The following CNTN4 variants were observed in gnomAD, a reference collection of about 807,000 sequenced individuals.
CNTN4 encodes the protein contactin-4.
A neutral mutation model predicts 122.5 loss-of-function variants in CNTN4; 77 were observed. The observed-to-expected ratio is 0.63, with a 90% CI of 0.52 to 0.76. The LOEUF (loss-of-function observed/expected upper bound fraction) is 0.76, where lower values mean the gene tolerates loss of function less well. Ranked by LOEUF, CNTN4 falls within the 30% of genes least tolerant of loss-of-function variation. The probability of loss-of-function intolerance (pLI) is 0.00; values close to 1 mark genes in which losing one functional copy is unlikely to be tolerated. For synonymous variants in CNTN4, 512 were observed against 447.0 expected (o/e 1.15, Z -1.83); for missense variants, 1,256 against 1,259.1 (o/e 1.00, Z 0.04).
intron 2 of CNTN4, among the ~76,000 whole-genome samples, chr3:2,112,660 G>C (rs2033053895): frequency 1.3e-5 from 2 of 152,098 alleles, no homozygotes; most frequent in Non-Finnish European, 2.9e-5. Flanking sequence ...GTTTTGTTTA[G>C]AGCTTATCAT....
chr3:2,986,943 T>C (rs1200895552), intron 13 of CNTN4, among the ~76,000 whole-genome samples: 1 of 152,144 alleles, frequency 6.6e-6, no homozygotes, highest in Non-Finnish European at 1.5e-5. Flanking sequence ...CAAATAAAAT[T>C]TCCTGATTGA....
At chr3:2,230,779 G>C (rs190602571) in intron 2 of CNTN4, among the ~76,000 whole-genome samples, 1 of 152,040 alleles carries the variant, frequency 6.6e-6, no homozygotes, top group East Asian at 1.9e-4. Context: ...GAGCCCAGGA[G>C]TTCGAGACCA....
intron 3 of CNTN4, among the ~76,000 whole-genome samples, chr3:2,524,554 G>T (rs914352076): frequency 6.6e-6 from 1 of 152,080 alleles, no homozygotes; most frequent in Non-Finnish European, 1.5e-5. Flanking sequence ...AAATACAGTG[G>T]ATGTAACTAA....
intron 7 of CNTN4, among the ~76,000 whole-genome samples, chr3:2,822,144 C>A (rs2092889686): frequency 2.0e-5 from 3 of 152,164 alleles, no homozygotes; most frequent in African/African-American, 7.2e-5. Flanking sequence ...GGTTTGATTT[C>A]AGAGGTCTGT....
At chr3:2,794,345 A>G (rs1001095414) in intron 6 of CNTN4, among the ~76,000 whole-genome samples, 10 of 152,222 alleles carry the variant, frequency 6.6e-5, no homozygotes, top group African/African-American at 2.4e-4. Flanking sequence ...AACAGTTCAC[A>G]TCTTAGTTTT....
At chr3:2,786,321 A>G (rs55798397) in intron 6 of CNTN4, among the ~76,000 whole-genome samples, 28,166 of 152,112 alleles carry the variant, frequency 0.19, 2,797 homozygotes, top group East Asian at 0.38. Flanking sequence ...AAAAGAGCAC[A>G]CTGTAACACA....
chr3:2,832,018 C>T (rs1054423415), intron 7 of CNTN4, among the ~76,000 whole-genome samples: 2 of 152,178 alleles, frequency 1.3e-5, no homozygotes, highest in African/African-American at 4.8e-5. Context: ...GTAGCTATGA[C>T]AGCTCTCTAA....
rs1255317668 is a variant in CNTN4 at position 3,044,978 on chromosome 3, TGGCTCAGAGGGTCCCATGCCC to T, written c.2811+1296_2811+1316del. ...ACACCAGGAGATTATATCCCATGCA[TGGCTCAGAGGGTCCCATGCCC>T]GGCTCAGAGGGTCCCATGCCCACAG... On this transcript the variant is annotated intron_variant, in intron 23 of 24. Coordinates refer to ENST00000418658, the MANE Select transcript of CNTN4 (RefSeq NM_175607.3). Among the ~76,000 whole-genome samples, 6 of 152,294 alleles carry T rather than the reference TGGCTCAGAGGGTCCCATGCCC, an allele frequency of 3.9e-5. 1 individual carries two copies. The highest frequency in any genetic ancestry group is 6.8e-3 in the Middle Eastern group (2 of 294).
intron 2 of CNTN4, among the ~76,000 whole-genome samples, chr3:2,202,894 G>A (rs2038165431): frequency 6.6e-6 from 1 of 151,834 alleles, no homozygotes; most frequent in Non-Finnish European, 1.5e-5. Context: ...CGTCATCTCA[G>A]CTCACTGCAA....
At chr3:2,185,479 C>G (rs1210081071) in intron 2 of CNTN4, among the ~76,000 whole-genome samples, 10 of 151,886 alleles carry the variant, frequency 6.6e-5, no homozygotes, top group Admixed American at 3.9e-4. Context: ...GATTCGAGCT[C>G]TTGCTACCCC....
chr3:2,636,544 G>A (rs1228741800), intron 4 of CNTN4, among the ~76,000 whole-genome samples: 1 of 152,086 alleles, frequency 6.6e-6, no homozygotes, highest in Non-Finnish European at 1.5e-5. Flanking sequence ...ATAAATAAAA[G>A]TCCTCCTTAA....
Position 2,180,376 on chromosome 3 carries a change from T to G in CNTN4, c.-145+79737T>G, listed in dbSNP as rs1344381104. ...GGTTAGAAAAGTGAGATGTAAAGTT[T>G]AACCTTATCAATAGTAGAATAGTAG... is the stretch of plus-strand genomic sequence containing the variant. On this transcript the variant is annotated intron_variant, in intron 2 of 24. Coordinates refer to ENST00000418658, the MANE Select transcript of CNTN4 (RefSeq NM_175607.3). 3.9e-5 allele frequency among the ~76,000 whole-genome samples: 6 copies of G among 152,032 alleles called. No individual in the cohort carries two copies. The South Asian group carries it at 1.2e-3, about 32-fold the overall frequency.
intron 3 of CNTN4, among the ~76,000 whole-genome samples, chr3:2,363,562 T>C (rs2045249654): frequency 6.6e-6 from 1 of 152,188 alleles, no homozygotes; most frequent in Non-Finnish European, 1.5e-5. Context: ...TTCACATATT[T>C]TATATGTGTA....
chr3:2,810,850 G>C (rs1397122489), intron 6 of CNTN4, among the ~76,000 whole-genome samples: 1 of 152,026 alleles, frequency 6.6e-6, no homozygotes, highest in African/African-American at 2.4e-5. Flanking sequence ...GTTTTATTTG[G>C]TATGACCGAA....
chr3:2,773,994 A>C (rs997406751), intron 6 of CNTN4, among the ~76,000 whole-genome samples: 1 of 152,082 alleles, frequency 6.6e-6, no homozygotes, highest in Admixed American at 6.5e-5. Context: ...TTTGGACCTC[A>C]AGTGATCCAC....
intron 2 of CNTN4, among the ~76,000 whole-genome samples, chr3:2,182,819 A>C (rs1471965139): frequency 6.7e-6 from 1 of 149,802 alleles, no homozygotes; most frequent in African/African-American, 2.4e-5. Context: ...AAAGCCACCA[A>C]CTCAGCACAG....
chr3:2,641,477 A>AAG (rs1454229960), intron 4 of CNTN4, among the ~76,000 whole-genome samples: 1 of 152,196 alleles, frequency 6.6e-6, no homozygotes, highest in Non-Finnish European at 1.5e-5. Context: ...GCAATCTTAT[A>AAG]AGTCAACTAA....
chr3:2,600,923 G>C (rs543232086), intron 4 of CNTN4, among the ~76,000 whole-genome samples: 19 of 152,232 alleles, frequency 1.2e-4, no homozygotes, highest in Non-Finnish European at 2.5e-4. Context: ...TCTCATTGTG[G>C]TTTTGATTTG....
chr3:2,418,002 GA>G (rs1315654008), intron 3 of CNTN4, among the ~76,000 whole-genome samples: 1 of 152,112 alleles, frequency 6.6e-6, no homozygotes, highest in East Asian at 1.9e-4. Context: ...GAGATTAATA[GA>G]GCACAGAGGA....
Sources: gnomAD v4.1 joint callset for allele counts (sites outside exome capture counted in the v4.1 genomes callset) on GRCh38, gnomAD v4.1.1 for gene constraint, MANE v1.5 for transcripts, NCBI Gene and HGNC (gene_info 2026-07-23, HGNC 2026-07-21) for gene names.